The following CCP110 variants were observed in gnomAD, a reference collection of about 807,000 sequenced individuals.
The protein encoded by CCP110 is centriolar coiled-coil protein 110.
Under a neutral mutation model 105.5 loss-of-function variants are expected in CCP110, and 43 were observed. The ratio of observed to expected loss-of-function variants is 0.41; its 90% confidence interval spans 0.32 to 0.53. The LOEUF (loss-of-function observed/expected upper bound fraction) is 0.53, where lower values mean the gene tolerates loss of function less well. CCP110 is among the 20% of genes least tolerant of loss of function. CCP110 has a pLI of 0.32. For missense variants in CCP110, 1,016 were observed against 1,189.1 expected, an observed-to-expected ratio of 0.85 and a Z score of 2.14; for synonymous variants, 353 against 392.1, an observed-to-expected ratio of 0.90 and a Z score of 1.18.
At chr16:19,542,365 G>C (rs925779205) in intron 6 of CCP110, among the ~76,000 whole-genome samples, 3 of 152,192 alleles carry the variant, frequency 2.0e-5, no homozygotes, top group Admixed American at 6.5e-5. Context: ...TCTCCTGAGT[G>C]ATCTTGAATT....
rs1970534177 is a variant in CCP110, at chr16:19,548,495, A to AT, written c.2901-13dup. The AT allele has an allele frequency of 7.5e-6, 11 of 1,473,026 alleles. No individual in the cohort carries two copies. Among genetic ancestry groups the AT allele is most frequent in the Admixed American group, 2.3e-5 (1 of 43,112 alleles). The allele number at this position is 1,473,026 out of a possible 1,614,324, so 91.2% of individuals were successfully genotyped here. ...AGACCTTAATGCCAGTGACTTATTA[A>AT]TTTTTTTATATTCAATTAGAACCCC... On this transcript the variant is annotated intron_variant, in intron 13 of 14. Coordinates refer to ENST00000381396, the Ensembl canonical transcript of CCP110. This position sits in a 1 kb window ranked among gnomAD's most constrained non-coding sequence, Gnocchi z 4.1.
chr16:19,537,545 G>A, exon 4 of CCP110: 1 of 1,585,448 alleles, frequency 6.3e-7, no homozygotes, highest in East Asian at 2.2e-5. Flanking sequence ...TAAGGGATCT[G>A]GCTTCGTTAA....
chr16:19,544,516 AACTATTT>A (rs1970397396), intron 8 of CCP110, among the ~76,000 whole-genome samples: 1 of 152,252 alleles, frequency 6.6e-6, no homozygotes, highest in Admixed American at 6.5e-5. Flanking sequence ...ACAATATAAC[AACTATTT>A]ACATAGCATG....
intron 1 of CCP110, among the ~76,000 whole-genome samples, 170 bp downstream of exon 1, chr16:19,524,258 C>T (rs1375580912): frequency 6.6e-6 from 1 of 152,152 alleles, no homozygotes; most frequent in Non-Finnish European, 1.5e-5. Context: ...CCGGGGGCAG[C>T]CAGCACCGGG....
intron 3 of CCP110, among the ~76,000 whole-genome samples, chr16:19,532,886 T>G (rs1969923960): frequency 6.6e-6 from 1 of 152,232 alleles, no homozygotes; most frequent in South Asian, 2.1e-4. Context: ...AATTAGACTA[T>G]TGACTAAATG....
chr16:19,542,789 C>A (rs776698821), intron 7 of CCP110, 29 bp downstream of exon 7: 8 of 1,589,868 alleles, frequency 5.0e-6, no homozygotes, highest in Non-Finnish European at 6.9e-6. Flanking sequence ...ACATGTCCAT[C>A]TATCTATTTA....
exon 5 of CCP110, chr16:19,540,702 T>G: frequency 6.2e-7 from 1 of 1,613,076 alleles, no homozygotes; most frequent in South Asian, 1.1e-5. Context: ...TTTGAAGAAA[T>G]GCGGAAGAGA....
chr16:19,538,299 GTTCTTTTT>G (rs1163008354), intron 4 of CCP110, among the ~76,000 whole-genome samples: 11 of 86,838 alleles, frequency 1.3e-4, no homozygotes, highest in African/African-American at 6.0e-4. Flanking sequence ...GGAGGAAACA[GTTCTTTTT>G]TTTTTTTTTT....
At chr16:19,525,188 T>A (rs1969627204) in intron 1 of CCP110, 1 of 152,208 alleles carries the variant, frequency 6.6e-6, no homozygotes, top group African/African-American at 2.4e-5. Context: ...GTGTTACTTT[T>A]ACCACTCTTT....
At chr16:19,541,368 C>A (rs1414874751) in intron 5 of CCP110, among the ~76,000 whole-genome samples, 1 of 152,034 alleles carries the variant, frequency 6.6e-6, no homozygotes, top group African/African-American at 2.4e-5. Context: ...CGTGGTGGCT[C>A]ACGCCTGTAA....
chr16:19,547,728 A>G, intron 12 of CCP110: 1 of 464,584 alleles, frequency 2.2e-6, no homozygotes, highest in East Asian at 3.7e-5. Flanking sequence ...TATATGTTGG[A>G]CATTTCTTTG....
At chr16:19,549,309 T>C (rs1469644783) in intron 14 of CCP110, among the ~76,000 whole-genome samples, 1 of 152,204 alleles carries the variant, frequency 6.6e-6, no homozygotes, top group Non-Finnish European at 1.5e-5. Flanking sequence ...TATACTGCTT[T>C]CTAGACATTT....
Position 19,547,935 on chromosome 16 carries a change from T to G in CCP110, c.2841-20T>G, listed in dbSNP as rs1422928181. 2.6e-6 allele frequency: 4 copies of G among 1,567,580 alleles called. No homozygotes were observed. The highest frequency in any genetic ancestry group is 3.5e-6 in the Non-Finnish European group (4 of 1,138,352). ...GGAATTTAACCTATTAAATTAATTT[T>G]TCATTTAATTTGTCAACAGAGTCCT... On this transcript the variant is annotated intron_variant, in intron 12 of 14. Transcript: ENST00000381396.
intron 11 of CCP110, chr16:19,546,109 A>T (rs1285031092): frequency 3.0e-5 from 16 of 535,400 alleles, no homozygotes; most frequent in Non-Finnish European, 4.9e-5. Context: ...CATTCAACTC[A>T]TATAACTGAT....
At chr16:19,546,036 T>G in intron 11 of CCP110, 146 bp downstream of exon 11, 2 of 559,210 alleles carry the variant, frequency 3.6e-6, no homozygotes, top group Non-Finnish European at 3.1e-6. Context: ...TAAAGAAATT[T>G]ATTAAAATCA....
At chr16:19,532,449 G>A (rs750342809) in exon 3 of CCP110, 24 of 1,606,282 alleles carry the variant, frequency 1.5e-5, no homozygotes, top group Non-Finnish European at 9.3e-6. Flanking sequence ...AATGCAACAA[G>A]AAAAGCAGAA....
Position 19,540,976 on chromosome 16 carries a change from T to C in CCP110, c.2049+189T>C, listed in dbSNP as rs573788932. Among the ~76,000 whole-genome samples the C allele has an allele frequency of 2.6e-5, 4 of 152,372 alleles. No individual in the cohort carries two copies. The South Asian group carries it at 8.3e-4, about 32-fold the overall frequency. ...TGATATTTAGATCCTTATCTAAAAGTAATTGCATAATTTATCGAGAATATT... is the reference window on the plus strand; with the variant it reads ...TGATATTTAGATCCTTATCTAAAAGCAATTGCATAATTTATCGAGAATATT... On this transcript the variant is annotated intron_variant, in intron 5 of 14. Transcript: ENST00000381396.
intron 1 of CCP110, among the ~76,000 whole-genome samples, chr16:19,524,435 A>G (rs1286708899): frequency 6.6e-6 from 1 of 152,102 alleles, no homozygotes; most frequent in African/African-American, 2.4e-5. Flanking sequence ...CGTGGTGATC[A>G]AATTGTTTGG....
intron 8 of CCP110, among the ~76,000 whole-genome samples, chr16:19,543,290 C>G (rs1399104046): frequency 1.3e-5 from 2 of 152,158 alleles, no homozygotes; most frequent in African/African-American, 4.8e-5. Context: ...AATTGCTGAA[C>G]ATAAATTGTG....
Sources: gnomAD v4.1 joint callset for allele counts (sites outside exome capture counted in the v4.1 genomes callset) on GRCh38, gnomAD v4.1.1 for gene constraint, Gnocchi (gnomAD v3.1) non-coding constraint, MANE v1.5 for transcripts, NCBI Gene and HGNC (gene_info 2026-07-23, HGNC 2026-07-21) for gene names.